Variants in WIPF3 observed in about 807,000 individuals in gnomAD.
The protein encoded by WIPF3 is WAS/WASL interacting protein family member 3, also known as WAS/WASL-interacting protein family member 3.
Under a neutral mutation model 38.9 loss-of-function variants are expected in WIPF3, and 33 were observed. The observed-to-expected ratio is 0.85, with a 90% CI of 0.64 to 1.14. The LOEUF (loss-of-function observed/expected upper bound fraction) is 1.14. WIPF3 is among the 50% of genes most tolerant of loss of function. The pLI is 0.00. For synonymous variants in WIPF3, 324 were observed against 269.3 expected, an observed-to-expected ratio of 1.20 and a Z score of -1.99; for missense variants, 711 against 652.5, an observed-to-expected ratio of 1.09 and a Z score of -0.98.
chr7:29,883,320 C>G (rs1188673876), intron 4 of WIPF3, among the ~76,000 whole-genome samples: 2 of 152,166 alleles, frequency 1.3e-5, no homozygotes, highest in East Asian at 3.9e-4. Context: ...TCCCTCCAGT[C>G]TTACCTTATG....
At chr7:29,825,392 C>A (rs1490336773) in intron 1 of WIPF3, among the ~76,000 whole-genome samples, 1 of 152,154 alleles carries the variant, frequency 6.6e-6, no homozygotes, top group Non-Finnish European at 1.5e-5. Flanking sequence ...TTAAGGTTTA[C>A]CTTGATTTTC....
Position 29,884,361 on chromosome 7 carries a change from T to TGCCCCCCCCCC in WIPF3, c.867_868insGCCCCCCCCCC (p.Pro290AlafsTer88). 1 of 1,317,912 alleles carries TGCCCCCCCCCC rather than the reference T, an allele frequency of 7.6e-7. No individual in the cohort carries two copies. The highest frequency in any genetic ancestry group is 9.8e-7 in the Non-Finnish European group (1 of 1,017,948). 81.6% of individuals were successfully genotyped at this position (1,317,912 alleles called of 1,614,324 possible). On this transcript the variant is annotated frameshift_variant, in exon 5 of 9. Coordinates refer to ENST00000242140, the MANE Select transcript of WIPF3 (RefSeq NM_001080529.3). LOFTEE classifies it high-confidence loss of function. ...GCCCTGCGCAAGATGCGCAGGAGCC[T>TGCCCCCCCCCC]CCCGCCCCGCCGCCCCCGCTCCCCC...
intron 2 of WIPF3, among the ~76,000 whole-genome samples, chr7:29,863,455 C>T (rs1785333733): frequency 6.6e-6 from 1 of 152,212 alleles, no homozygotes; most frequent in Non-Finnish European, 1.5e-5. Flanking sequence ...CCAGACCATA[C>T]CATCTTGATT....
intron 2 of WIPF3, among the ~76,000 whole-genome samples, chr7:29,850,365 G>A (rs1026985452): frequency 2.0e-5 from 3 of 152,210 alleles, no homozygotes; most frequent in Admixed American, 1.3e-4. Flanking sequence ...AAGGAAAAAC[G>A]GAAGAGAAAG....
At chr7:29,886,538 G>T (rs1195748251) in intron 5 of WIPF3, among the ~76,000 whole-genome samples, 1 of 151,742 alleles carries the variant, frequency 6.6e-6, no homozygotes, top group Non-Finnish European at 1.5e-5. Flanking sequence ...TGTATTTTTA[G>T]TAGAGACAGG....
At chr7:29,907,299 T>C (rs940361767) in intron 8 of WIPF3, among the ~76,000 whole-genome samples, 5 of 152,204 alleles carry the variant, frequency 3.3e-5, no homozygotes, top group Non-Finnish European at 5.9e-5. Flanking sequence ...AAAAGACTTA[T>C]TAATTTATGT....
chr7:29,894,693 G>A (rs1786095238), intron 7 of WIPF3, among the ~76,000 whole-genome samples: 2 of 152,050 alleles, frequency 1.3e-5, no homozygotes, highest in South Asian at 2.1e-4. Flanking sequence ...TATCAGATGA[G>A]TGTGTTCTCA....
intron 4 of WIPF3, among the ~76,000 whole-genome samples, chr7:29,881,031 C>T (rs1471841811): frequency 6.6e-6 from 1 of 152,182 alleles, no homozygotes; most frequent in Non-Finnish European, 1.5e-5. Context: ...TGGGCGCTTG[C>T]ACCGACTCTC....
Position 29,844,960 on chromosome 7 carries a change from G to A in WIPF3, c.90+10146G>A, listed in dbSNP as rs1039124441. ...TAAAAGCCAGGAAGTCAATGGATTC[G>A]GCTCCCCATACCTTGGCCAGAGCTT... On this transcript the variant is annotated intron_variant, in intron 2 of 8. Coordinates refer to ENST00000242140, the MANE Select transcript of WIPF3 (RefSeq NM_001080529.3). This position sits in a 1 kb window ranked among gnomAD's most constrained non-coding sequence, Gnocchi z 4.8. Among the ~76,000 whole-genome samples the A allele has an allele frequency of 6.6e-6, 1 of 151,400 alleles. No individual in the cohort carries two copies. The highest frequency in any genetic ancestry group is 2.4e-5 in the African/African-American group (1 of 41,172).
chr7:29,811,252 A>T (rs974178108), intron 1 of WIPF3, among the ~76,000 whole-genome samples: 33 of 93,862 alleles, frequency 3.5e-4, no homozygotes, highest in African/African-American at 1.1e-3. Flanking sequence ...TCAATTAGCC[A>T]TTATGATGAT....
intron 1 of WIPF3, among the ~76,000 whole-genome samples, chr7:29,807,915 T>C (rs1784309439): frequency 6.6e-6 from 1 of 152,200 alleles, no homozygotes; most frequent in African/African-American, 2.4e-5. Context: ...GCACTTCTTG[T>C]GCCCAGCATT....
intron 7 of WIPF3, among the ~76,000 whole-genome samples, chr7:29,891,393 T>A (rs1274559687): frequency 2.0e-5 from 3 of 152,214 alleles, no homozygotes; most frequent in Non-Finnish European, 4.4e-5. Context: ...CTCAGGTGGA[T>A]GTTCATCTCT....
chr7:29,896,897 G>A (rs1786156716), intron 7 of WIPF3, among the ~76,000 whole-genome samples: 1 of 152,210 alleles, frequency 6.6e-6, no homozygotes, highest in Admixed American at 6.5e-5. Context: ...GCCCTTTGGA[G>A]AGATTTAGAT....
intron 8 of WIPF3, chr7:29,906,068 CAG>C (rs1426158095): frequency 6.6e-6 from 1 of 151,934 alleles, no homozygotes; most frequent in Non-Finnish European, 1.5e-5. Context: ...CCCTGGGGGA[CAG>C]AGAGAATTGA....
chr7:29,861,744 G>T (rs931606430), intron 2 of WIPF3, among the ~76,000 whole-genome samples: 2 of 152,186 alleles, frequency 1.3e-5, no homozygotes, highest in African/African-American at 4.8e-5. Context: ...GGCTTATGTG[G>T]TGAAAAATGA....
intron 5 of WIPF3, among the ~76,000 whole-genome samples, chr7:29,885,945 T>C (rs1785867066): frequency 6.6e-6 from 1 of 152,250 alleles, no homozygotes; most frequent in Non-Finnish European, 1.5e-5. Context: ...ATACCATTTT[T>C]CACATACAGT....
chr7:29,865,344 C>G (rs933663399), intron 2 of WIPF3, among the ~76,000 whole-genome samples: 6 of 152,142 alleles, frequency 3.9e-5, no homozygotes, highest in Non-Finnish European at 7.3e-5. Context: ...ACAGCCAGAA[C>G]AGAATAGTAA....
At chr7:29,818,412 C>T (rs557317319) in intron 1 of WIPF3, among the ~76,000 whole-genome samples, 18 of 151,230 alleles carry the variant, frequency 1.2e-4, no homozygotes, top group Non-Finnish European at 2.2e-4. Flanking sequence ...GAGATCACAC[C>T]GCTGCACTCC....
chr7:29,847,367 G>T (rs1785016882), intron 2 of WIPF3, among the ~76,000 whole-genome samples: 1 of 152,164 alleles, frequency 6.6e-6, no homozygotes, highest in Non-Finnish European at 1.5e-5. Flanking sequence ...GGTGGTATGG[G>T]ACCAAGGGAA....
Sources: allele counts gnomAD v4.1 joint callset (sites outside exome capture counted in the v4.1 genomes callset), GRCh38; gene constraint gnomAD v4.1.1; non-coding constraint Gnocchi (gnomAD v3.1); transcripts MANE v1.5; gene names NCBI Gene and HGNC (gene_info 2026-07-23, HGNC 2026-07-21).